NPAS2: variants seen among roughly 807,000 people sequenced by gnomAD.
NPAS2 encodes the protein neuronal PAS domain protein 2.
A neutral mutation model predicts 107.5 loss-of-function variants in NPAS2; 23 were observed. The observed-to-expected ratio is 0.21, with a 90% CI of 0.15 to 0.30. The LOEUF is 0.30. Ranked by LOEUF, NPAS2 falls within the 10% of genes least tolerant of loss-of-function variation. NPAS2 has a pLI of 1.00. For synonymous variants in NPAS2, 403 were observed against 417.5 expected, an observed-to-expected ratio of 0.97 and a Z score of 0.42; for missense variants, 756 against 1,043.3, an observed-to-expected ratio of 0.72 and a Z score of 3.79.
At chr2:100,878,077 C>T (rs1159361758) in intron 1 of NPAS2, 25 of 985,198 alleles carry the variant, frequency 2.5e-5, no homozygotes, top group Non-Finnish European at 3.0e-5. Flanking sequence ...AAAGTGGTGA[C>T]GAGTCAGCAT....
intron 15 of NPAS2, among the ~76,000 whole-genome samples, chr2:100,979,831 A>G (rs532345202): frequency 1.3e-5 from 2 of 152,244 alleles, no homozygotes; most frequent in South Asian, 4.1e-4. Flanking sequence ...CGCCCAGCCA[A>G]TAACTATATT....
intron 14 of NPAS2, 174 bp downstream of exon 14, chr2:100,975,741 A>C (rs1181977320): frequency 1.9e-6 from 1 of 513,972 alleles, no homozygotes; most frequent in Non-Finnish European, 3.5e-6. Context: ...CTAATTTTAA[A>C]CATTTGCATG....
chr2:100,873,111 T>G (rs1455388282), intron 1 of NPAS2, among the ~76,000 whole-genome samples: 2 of 151,512 alleles, frequency 1.3e-5, no homozygotes, highest in East Asian at 3.9e-4. Flanking sequence ...GACACCAGCC[T>G]GGCCAATATC....
chr2:100,820,475 C>G lies in NPAS2; in HGVS notation c.-23+61C>G, dbSNP rs1676011340. The G allele has an allele frequency of 6.6e-5, 10 of 151,250 alleles. No homozygotes were observed. The highest frequency in any genetic ancestry group is 6.6e-4 in the Admixed American group (10 of 15,232). 9.4% of individuals were successfully genotyped at this position (151,250 alleles called of 1,614,324 possible). On this transcript the variant is annotated intron_variant, in intron 1 of 20. Transcript: ENST00000335681. The surrounding 1 kb of genome is among the most constrained non-coding windows in gnomAD (Gnocchi z 5.6). ...GGTGGGTAGTACGTGCGCGCGGGGT[C>G]GCAGGACTCGGTCACCTGCTCGCCA... is the stretch of plus-strand genomic sequence containing the variant.
intron 1 of NPAS2, among the ~76,000 whole-genome samples, chr2:100,845,956 G>A (rs964333730): frequency 2.6e-5 from 4 of 152,214 alleles, no homozygotes; most frequent in Non-Finnish European, 5.9e-5. Flanking sequence ...TGTAGGAACC[G>A]ACCCCTCCTT....
chr2:100,825,116 T>C (rs1187925734), intron 1 of NPAS2, among the ~76,000 whole-genome samples: 2 of 152,152 alleles, frequency 1.3e-5, no homozygotes, highest in East Asian at 3.9e-4. Context: ...CTGAAAATCA[T>C]CCAGGCTTCC....
chr2:100,974,774 A>G (rs769993459), intron 12 of NPAS2, 29 bp from the exon 13 acceptor site: 9 of 1,608,162 alleles, frequency 5.6e-6, no homozygotes, highest in Non-Finnish European at 7.6e-6. Context: ...TGATGCTGAC[A>G]TGAGGACTGT....
At chr2:100,858,621 C>G (rs768312207) in intron 1 of NPAS2, among the ~76,000 whole-genome samples, 5 of 152,118 alleles carry the variant, frequency 3.3e-5, no homozygotes, top group Non-Finnish European at 5.9e-5. Context: ...GTTCCCAGGA[C>G]TGCACATAAA....
At chr2:100,947,039 A>C (rs2105036131) in intron 5 of NPAS2, among the ~76,000 whole-genome samples, 1 of 152,270 alleles carries the variant, frequency 6.6e-6, no homozygotes, top group Admixed American at 6.5e-5. Context: ...GGAGCATCTG[A>C]GTGGCAGTTG....
At chr2:100,991,593 C>T (rs181603772) in intron 19 of NPAS2, among the ~76,000 whole-genome samples, 1 of 152,328 alleles carries the variant, frequency 6.6e-6, no homozygotes, top group East Asian at 1.9e-4. Flanking sequence ...GCCCCTCTCC[C>T]TAGAAGTCCT....
chr2:100,845,020 G>A (rs1407062023), intron 1 of NPAS2, among the ~76,000 whole-genome samples: 2 of 152,130 alleles, frequency 1.3e-5, no homozygotes, highest in Non-Finnish European at 2.9e-5. Context: ...GCAGGCAGGG[G>A]GTGGGAAAGC....
At chr2:100,885,301 T>A (rs1157448104) in intron 1 of NPAS2, among the ~76,000 whole-genome samples, 2 of 152,248 alleles carry the variant, frequency 1.3e-5, no homozygotes, top group African/African-American at 4.8e-5. Flanking sequence ...GAATATGTAC[T>A]GCTTCTCCAG....
At chr2:100,901,449 GTT>G (rs763670660) in intron 1 of NPAS2, 16 of 872,706 alleles carry the variant, frequency 1.8e-5, no homozygotes, top group Non-Finnish European at 2.1e-5. Flanking sequence ...ACTCCGGAGA[GTT>G]TGTGTTCTAG....
intron 15 of NPAS2, among the ~76,000 whole-genome samples, chr2:100,978,812 G>C (rs914558545): frequency 6.6e-6 from 1 of 152,216 alleles, no homozygotes. Flanking sequence ...AGGAGGTGAC[G>C]CTTGAGTTGG....
chr2:100,872,837 C>T (rs1367119294), intron 1 of NPAS2, among the ~76,000 whole-genome samples: 10 of 152,094 alleles, frequency 6.6e-5, no homozygotes, highest in Non-Finnish European at 1.0e-4. Flanking sequence ...TCCCTGATCC[C>T]TAACCCCCTA....
chr2:100,909,998 G>A (rs1422928096), intron 2 of NPAS2, among the ~76,000 whole-genome samples: 1 of 152,172 alleles, frequency 6.6e-6, no homozygotes, highest in Non-Finnish European at 1.5e-5. Flanking sequence ...TTGGCTCAGA[G>A]GAGTTGTCAG....
At chr2:100,834,067 G>A (rs933667868) in intron 1 of NPAS2, among the ~76,000 whole-genome samples, 1 of 152,160 alleles carries the variant, frequency 6.6e-6, no homozygotes, top group African/African-American at 2.4e-5. Flanking sequence ...AGAAAGCAAA[G>A]AGGCCTTTGC....
chr2:100,921,637 G>A (rs1157940593), intron 2 of NPAS2, among the ~76,000 whole-genome samples: 1 of 152,084 alleles, frequency 6.6e-6, no homozygotes, highest in African/African-American at 2.4e-5. Context: ...CACAAAATAA[G>A]ATACATAAAT....
Position 100,981,273 on chromosome 2 carries a change from G to C in NPAS2, c.1483-958G>C, listed in dbSNP as rs116563517. Among the ~76,000 whole-genome samples, 1,127 of 152,256 alleles carry C rather than the reference G, an allele frequency of 7.4e-3. 15 individuals are homozygous for C. Among genetic ancestry groups the C allele is most frequent in the African/African-American group, 0.025 (1,054 of 41,550 alleles). On this transcript the variant is annotated intron_variant, in intron 15 of 20. Coordinates refer to ENST00000335681, the MANE Select transcript of NPAS2 (RefSeq NM_002518.4). ...ACAGACTAGGGAGATTGTTGGGCTA[G>C]AGATTGAGGGAGTGGAGGTTAAATC...
Sources: gnomAD v4.1 joint callset for allele counts (sites outside exome capture counted in the v4.1 genomes callset) on GRCh38, gnomAD v4.1.1 for gene constraint, Gnocchi (gnomAD v3.1) non-coding constraint, MANE v1.5 for transcripts, NCBI Gene and HGNC (gene_info 2026-07-23, HGNC 2026-07-21) for gene names.